Variants in CACNA1H observed in about 807,000 individuals in gnomAD.
CACNA1H encodes voltage-dependent T-type calcium channel subunit alpha-1H.
In CACNA1H, 149 loss-of-function variants were observed where a neutral mutation model predicts 192.5. The observed-to-expected ratio is 0.77, with a 90% CI of 0.68 to 0.89. The LOEUF (loss-of-function observed/expected upper bound fraction) is 0.89, where lower values mean the gene tolerates loss of function less well. Among genes scored for constraint, CACNA1H ranks in the 40% least tolerant of loss-of-function variants. The pLI is 0.00. For missense variants in CACNA1H, 4,257 were observed against 3,423.5 expected (o/e 1.24, Z -6.08); for synonymous variants, 2,202 against 1,475.2 (o/e 1.49, Z -11.29).
rs867987611 is a variant in CACNA1H at position 1,209,041 on chromosome 16, C to T, written c.3373C>T (p.Arg1125Ter). ...LGDQKPPASL[R>*]SSPCAPWGPS... ...TCCCGCCACCCCCCAGGCCAGCCTC[C>T]GAAGTTCTCCCTGTGCCCCCTGGGG... The change falls in exon 17 of 35, where the codon CGA becomes TGA. Residue 1125 changes from arginine to a stop codon, truncating the protein, a stop_gained. Transcript: ENST00000348261. LOFTEE classifies it high-confidence loss of function. The T allele has an allele frequency of 2.6e-6, 4 of 1,516,564 alleles. No individual in the cohort carries two copies. Among genetic ancestry groups the T allele is most frequent in the East Asian group, 2.4e-5 (1 of 41,174 alleles). 93.9% of individuals were successfully genotyped at this position (1,516,564 alleles called of 1,614,324 possible). A position where few individuals can be genotyped will look rare whatever the true frequency, so the allele number is the denominator to read the frequency against.
intron 26 of CACNA1H, among the ~76,000 whole-genome samples, 157 bp from the exon 27 acceptor site, chr16:1,213,623 G>A (rs1440874036): frequency 2.6e-5 from 4 of 151,880 alleles, no homozygotes; most frequent in African/African-American, 9.7e-5. Context: ...TCTTATGTGA[G>A]CCCTGCCATG....
chr16:1,158,467 C>T (rs1307592011), intron 2 of CACNA1H, among the ~76,000 whole-genome samples: 1 of 152,154 alleles, frequency 6.6e-6, no homozygotes, highest in Non-Finnish European at 1.5e-5. Context: ...AGGGGTCTGC[C>T]GAGCGCCTGT....
intron 2 of CACNA1H, among the ~76,000 whole-genome samples, chr16:1,193,750 T>G (rs1966813697): frequency 6.6e-6 from 1 of 152,084 alleles, no homozygotes; most frequent in Non-Finnish European, 1.5e-5. Context: ...TGGCATCAAA[T>G]GCTGACCTGC....
chr16:1,155,705 TGAGA>T (rs1962265877), intron 2 of CACNA1H, among the ~76,000 whole-genome samples: 1 of 152,108 alleles, frequency 6.6e-6, no homozygotes, highest in African/African-American at 2.4e-5. Context: ...CCCTCTCGGC[TGAGA>T]GAGTTTTGGA....
intron 34 of CACNA1H, 39 bp from the exon 35 acceptor site, chr16:1,219,942 C>T (rs1367065505): frequency 7.9e-7 from 1 of 1,267,790 alleles, no homozygotes; most frequent in Non-Finnish European, 1.0e-6. Flanking sequence ...AGGGCTCTCC[C>T]AGGGCCCCGC....
At chr16:1,176,124 C>T (rs1166081905) in intron 2 of CACNA1H, among the ~76,000 whole-genome samples, 1 of 152,252 alleles carries the variant, frequency 6.6e-6, no homozygotes, top group African/African-American at 2.4e-5. Context: ...CATAATGGCT[C>T]AGCTGGGTTC....
intron 2 of CACNA1H, among the ~76,000 whole-genome samples, chr16:1,182,113 C>T (rs1205493606): frequency 6.6e-6 from 1 of 152,192 alleles, no homozygotes; most frequent in Non-Finnish European, 1.5e-5. Context: ...TTTCCCCGGG[C>T]TGTGGCAGGG....
chr16:1,195,628 C>T (rs939984306), intron 4 of CACNA1H, 63 bp downstream of exon 4: 51 of 1,516,180 alleles, frequency 3.4e-5, no homozygotes, highest in African/African-American at 4.2e-5. Context: ...CCACAGGGAT[C>T]CCTGTGTCCC....
chr16:1,198,488 A>C (rs1010704581), intron 5 of CACNA1H, 127 bp from the exon 6 acceptor site: 1 of 972,698 alleles, frequency 1.0e-6, no homozygotes, highest in African/African-American at 1.6e-5. Context: ...GGCCCGAGTC[A>C]GTGTGCAGTG....
chr16:1,177,650 C>T (rs1965023724), intron 2 of CACNA1H, among the ~76,000 whole-genome samples: 1 of 151,962 alleles, frequency 6.6e-6, no homozygotes, highest in African/African-American at 2.4e-5. Context: ...TGGCCGGGGA[C>T]AGAGGGAGTG....
intron 2 of CACNA1H, among the ~76,000 whole-genome samples, chr16:1,181,105 C>T (rs1366855371): frequency 2.6e-5 from 4 of 152,228 alleles, no homozygotes; most frequent in South Asian, 2.1e-4. Context: ...AATTCCAGCT[C>T]GGAGCAGGCC....
Position 1,204,137 on chromosome 16 carries a change from G to A in CACNA1H, c.2130G>A (p.Pro710=), listed in dbSNP as rs757174542. ...CPYCTRALED[P]EGELSGSESG... is the part of the protein sequence containing the mutation. The stretch of plus-strand genomic sequence containing the variant: ...ACTGCACCCGTGCCCTGGAGGACCC[G>A]GAGGGTGAGCTCAGCGGCTCGGAAA... The change falls in exon 10 of 35, where the codon CCG becomes CCA. Residue 710 remains proline, a synonymous_variant. Coordinates refer to ENST00000348261, the MANE Select transcript of CACNA1H (RefSeq NM_021098.3). The A allele has an allele frequency of 9.3e-6, 15 of 1,612,298 alleles. No individual in the cohort carries two copies. Among genetic ancestry groups the A allele is most frequent in the South Asian group, 5.5e-5 (5 of 91,056 alleles).
chr16:1,200,597 G>C, intron 7 of CACNA1H, 26 bp downstream of exon 7: 5 of 1,609,706 alleles, frequency 3.1e-6, no homozygotes, highest in Non-Finnish European at 4.2e-6. Flanking sequence ...GTGGGACGGG[G>C]ACCCTGGGGC....
In CACNA1H at chr16:1,155,195, C is replaced by T. The variant is rs543838954; in HGVS notation, c.299+1159C>T. 6.6e-5 allele frequency among the ~76,000 whole-genome samples: 10 copies of T among 152,352 alleles called. No individual in the cohort carries two copies. The East Asian group carries it at 1.7e-3, about 26-fold the overall frequency. On this transcript the variant is annotated intron_variant, in intron 2 of 34. Coordinates refer to ENST00000348261, the MANE Select transcript of CACNA1H (RefSeq NM_021098.3). ...CAAACATCGAGTGAGTCAGACTCAT[C>T]TCTGCTTGTAGAGGAAGAGGAGGCT...
In CACNA1H at chr16:1,202,129, CT is replaced by C; in HGVS notation, c.1681del (p.Ser561ProfsTer22). ...CGAGCTGGCGCGCCCCCCTCGCCAC[CT>C]TCCCCAGGCCGCGGACCCCCCGACG... is the stretch of plus-strand genomic sequence containing the variant. ...LVRAGAPPSP[P>X]SPGRGPPDAE... On this transcript the variant is annotated frameshift_variant, in exon 9 of 35. Transcript: ENST00000348261. LOFTEE classifies it high-confidence loss of function. The C allele has an allele frequency of 6.5e-7, 1 of 1,548,034 alleles. No individual in the cohort carries two copies. The highest frequency in any genetic ancestry group is 8.7e-7 in the Non-Finnish European group (1 of 1,146,200).
chr16:1,213,359 C>T (rs540846838), intron 26 of CACNA1H, among the ~76,000 whole-genome samples: 9 of 152,306 alleles, frequency 5.9e-5, no homozygotes, highest in East Asian at 1.9e-4. Context: ...GGCCCAGCCA[C>T]GTGCTGCGCC....
chr16:1,204,328 G>T lies in CACNA1H; in HGVS notation c.2321G>T (p.Trp774Leu), dbSNP rs1596421279. 6.3e-7 allele frequency: 1 copy of T among 1,594,518 alleles called. No individual in the cohort carries two copies. Among genetic ancestry groups the T allele is most frequent in the Non-Finnish European group, 8.6e-7 (1 of 1,168,976 alleles). The change falls in exon 10 of 35, where the codon TGG becomes TTG. Residue 774 changes from tryptophan (W) to leucine (L), a missense_variant. Physicochemically the swap from Trp to Leu is moderately conservative, Grantham distance 61. Coordinates refer to ENST00000348261, the MANE Select transcript of CACNA1H (RefSeq NM_021098.3). ...QQRAAPGEPGWMGRLWVTFSG... is the reference protein window; with the variant it reads ...QQRAAPGEPGLMGRLWVTFSG... ...AGGGCAGCCCCGGGCGAGCCAGGCT[G>T]GATGGGCCGCCTCTGGGTTACCTTC... is the stretch of plus-strand genomic sequence containing the variant.
At chr16:1,191,450 T>TC (rs1966610586) in intron 2 of CACNA1H, among the ~76,000 whole-genome samples, 8 of 64,930 alleles carry the variant, frequency 1.2e-4, no homozygotes, top group Non-Finnish European at 2.1e-4. Flanking sequence ...ACACTCAGGG[T>TC]TTTGGTGACC....
Position 1,176,971 on chromosome 16 carries a change from C to A in CACNA1H, c.300-18001C>A, listed in dbSNP as rs144522983. 4.6e-5 allele frequency among the ~76,000 whole-genome samples: 7 copies of A among 152,154 alleles called. No homozygotes were observed. In the East Asian group the frequency reaches 1.2e-3, roughly 25 times the overall value. ...GGTTTGGCTTAGGTGGGGGCAGAGT[C>A]CCCAGGCTGGGAGGAGGCGCTGGAA... On this transcript the variant is annotated intron_variant, in intron 2 of 34. Coordinates refer to ENST00000348261, the MANE Select transcript of CACNA1H (RefSeq NM_021098.3).
Sources: gnomAD v4.1 joint callset for allele counts (sites outside exome capture counted in the v4.1 genomes callset) on GRCh38, gnomAD v4.1.1 for gene constraint, MANE v1.5 for transcripts, NCBI Gene and HGNC (gene_info 2026-07-23, HGNC 2026-07-21) for gene names.